The following CCSER1 variants were observed in gnomAD, a reference collection of about 807,000 sequenced individuals.
CCSER1 encodes serine-rich coiled-coil domain-containing protein 1.
CCSER1 carries 41 observed loss-of-function variants against 82.0 expected under a neutral mutation model. The ratio of observed to expected loss-of-function variants is 0.50; its 90% CI spans 0.39 to 0.65. CCSER1 has a LOEUF of 0.65. CCSER1 is among the 30% of genes least tolerant of loss of function. The pLI is 0.00. For synonymous variants in CCSER1, 414 were observed against 383.9 expected (o/e 1.08, Z -0.92); for missense variants, 1,119 against 1,064.2 (o/e 1.05, Z -0.72).
chr4:90,452,967 A>C (rs555418248), intron 4 of CCSER1, among the ~76,000 whole-genome samples: 1 of 152,252 alleles, frequency 6.6e-6, no homozygotes, highest in South Asian at 2.1e-4. Context: ...TTATCCAGAA[A>C]ATTAAGAGCT....
chr4:90,741,093 C>G (rs1024416914), intron 7 of CCSER1, among the ~76,000 whole-genome samples: 1 of 152,056 alleles, frequency 6.6e-6, no homozygotes, highest in Admixed American at 6.6e-5. Flanking sequence ...AGGTACAGAA[C>G]ATGGGAAGAG....
chr4:91,140,343 A>T (rs930536111), intron 10 of CCSER1, among the ~76,000 whole-genome samples: 65 of 152,052 alleles, frequency 4.3e-4, no homozygotes, highest in African/African-American at 1.4e-3. Context: ...TACTTTTAAG[A>T]TATCAATTTA....
At chr4:91,070,575 T>C (rs1029185784) in intron 9 of CCSER1, among the ~76,000 whole-genome samples, 6 of 152,180 alleles carry the variant, frequency 3.9e-5, no homozygotes, top group Non-Finnish European at 7.3e-5. Context: ...TGAGCATTAC[T>C]GCCTGACATC....
intron 1 of CCSER1, among the ~76,000 whole-genome samples, chr4:90,277,410 A>G (rs975321720): frequency 6.6e-6 from 1 of 152,140 alleles, no homozygotes; most frequent in African/African-American, 2.4e-5. Flanking sequence ...TTCAAACTAT[A>G]CTACAAGGCT....
intron 10 of CCSER1, among the ~76,000 whole-genome samples, chr4:91,384,574 A>C (rs1751153356): frequency 6.6e-6 from 1 of 152,068 alleles, no homozygotes; most frequent in Admixed American, 6.6e-5. Flanking sequence ...GAATAATATA[A>C]AAATGGTTGA....
chr4:91,488,677 C>T (rs1487517363), intron 10 of CCSER1, among the ~76,000 whole-genome samples: 1 of 152,182 alleles, frequency 6.6e-6, no homozygotes, highest in Non-Finnish European at 1.5e-5. Context: ...CCTTCACCTT[C>T]CACCATGATT....
intron 6 of CCSER1, among the ~76,000 whole-genome samples, chr4:90,691,936 T>G (rs2149237706): frequency 6.6e-6 from 1 of 151,472 alleles, no homozygotes; most frequent in Admixed American, 6.6e-5. Flanking sequence ...TTATATTAAG[T>G]GACATGTTAA....
At chr4:90,971,383 T>A (rs1418880066) in intron 9 of CCSER1, among the ~76,000 whole-genome samples, 2 of 151,768 alleles carry the variant, frequency 1.3e-5, no homozygotes, top group African/African-American at 4.8e-5. Flanking sequence ...ATCACAAGAA[T>A]AGCAAGGGAG....
At chr4:90,234,842 G>A (rs1745466560) in intron 1 of CCSER1, among the ~76,000 whole-genome samples, 1 of 152,072 alleles carries the variant, frequency 6.6e-6, no homozygotes, top group South Asian at 2.1e-4. Context: ...TAATTAAATG[G>A]CAGTCCTTAG....
At chr4:90,698,026 G>T (rs1172970077) in intron 6 of CCSER1, among the ~76,000 whole-genome samples, 1 of 152,134 alleles carries the variant, frequency 6.6e-6, no homozygotes, top group Non-Finnish European at 1.5e-5. Flanking sequence ...TTTGAACTTG[G>T]TTGTAAATGA....
intron 7 of CCSER1, among the ~76,000 whole-genome samples, chr4:90,730,633 A>G (rs900840809): frequency 1.4e-4 from 22 of 152,190 alleles, no homozygotes; most frequent in African/African-American, 5.3e-4. Flanking sequence ...CGCAATATGA[A>G]GGATAGAAAG....
intron 10 of CCSER1, among the ~76,000 whole-genome samples, chr4:91,368,555 G>C (rs1300872429): frequency 6.6e-6 from 1 of 151,960 alleles, no homozygotes; most frequent in Non-Finnish European, 1.5e-5. Context: ...TAAGAGATAT[G>C]TTTTATGATA....
intron 7 of CCSER1, among the ~76,000 whole-genome samples, chr4:90,814,724 T>TGCTAAAGCATAGCAATA (rs1175307346): frequency 2.6e-5 from 4 of 152,236 alleles, no homozygotes; most frequent in Non-Finnish European, 5.9e-5. Context: ...CCAGGCTCTT[T>TGCTAAAGCATAGCAATA]GCTAAAGCAT....
At position 90,513,029 on chromosome 4, in the gene CCSER1, A is replaced by G. The variant is rs553383673; in HGVS notation, c.1724+44675A>G. Among the ~76,000 whole-genome samples, 4 of 152,268 alleles carry G rather than the reference A, an allele frequency of 2.6e-5. 1 individual carries two copies. The South Asian group carries it at 8.3e-4, about 32-fold the overall frequency. On this transcript the variant is annotated intron_variant, in intron 5 of 10. Coordinates refer to ENST00000509176, the MANE Select transcript of CCSER1 (RefSeq NM_001145065.2). ...TCACAAGCAAAGCCGCTTGTGGGTAACTGGTAGAGGAGTGTGGCAGAATGT... is the reference window on the plus strand; with the variant it reads ...TCACAAGCAAAGCCGCTTGTGGGTAGCTGGTAGAGGAGTGTGGCAGAATGT...
intron 10 of CCSER1, among the ~76,000 whole-genome samples, chr4:91,176,652 T>C (rs959877458): frequency 2.6e-5 from 4 of 152,214 alleles, no homozygotes; most frequent in African/African-American, 9.7e-5. Flanking sequence ...ATGCTTGTGA[T>C]TTTTGCACAT....
rs1211659595 is a variant in CCSER1 at position 90,933,018 on chromosome 4, A to AAG, written c.2172+9573_2172+9574dup. The stretch of plus-strand genomic sequence containing the variant: ...AAAGAAAGAAAGAAAGAAAGAAAGA[A>AAG]AGAAAGAAAGAAAGAAAGAAAGAAA... On this transcript the variant is annotated intron_variant, in intron 9 of 10. Transcript: ENST00000509176. Among the ~76,000 whole-genome samples, 9 of 88,290 alleles carry AAG rather than the reference A, an allele frequency of 1.0e-4. 1 individual carries two copies. Among genetic ancestry groups the AAG allele is most frequent in the African/African-American group, 5.6e-4 (7 of 12,528 alleles). 57.9% of individuals were successfully genotyped at this position (88,290 alleles called of 152,430 possible).
At chr4:91,163,594 G>T (rs1731685955) in intron 10 of CCSER1, among the ~76,000 whole-genome samples, 1 of 152,106 alleles carries the variant, frequency 6.6e-6, no homozygotes, top group African/African-American at 2.4e-5. Flanking sequence ...CTAAGGACTT[G>T]GTTTATGAAT....
intron 10 of CCSER1, among the ~76,000 whole-genome samples, chr4:91,576,721 G>T (rs191192014): frequency 6.6e-6 from 1 of 151,982 alleles, no homozygotes; most frequent in East Asian, 1.9e-4. Flanking sequence ...CACACAGGCT[G>T]AAGGTAATTT....
In CCSER1 at chr4:90,727,141, T is replaced by C. The variant is rs960115301; in HGVS notation, c.2010+3150T>C. 17 of 435,008 alleles carry C rather than the reference T, an allele frequency of 3.9e-5. No individual in the cohort carries two copies. In the East Asian group the frequency reaches 1.0e-3, roughly 27 times the overall value. The allele number at this position is 435,008 out of a possible 1,614,324, so 26.9% of individuals were successfully genotyped here. A position where few individuals can be genotyped will look rare whatever the true frequency, so the allele number is the denominator to read the frequency against. On this transcript the variant is annotated intron_variant, in intron 7 of 10. Coordinates refer to ENST00000509176, the MANE Select transcript of CCSER1 (RefSeq NM_001145065.2). ...CTTTTACCTTTATAAACTATTGTTA[T>C]GGGCATCTATTTGGAAACAAAAGGC... is the stretch of plus-strand genomic sequence containing the variant.
Sources: gnomAD v4.1 joint callset for allele counts (sites outside exome capture counted in the v4.1 genomes callset) on GRCh38, gnomAD v4.1.1 for gene constraint, MANE v1.5 for transcripts, NCBI Gene and HGNC (gene_info 2026-07-23, HGNC 2026-07-21) for gene names.